SLC35F1: variants seen among roughly 807,000 people sequenced by gnomAD.
SLC35F1 encodes chromosome 6 open reading frame 169.
Under a neutral mutation model 48.7 loss-of-function variants are expected in SLC35F1, and 14 were observed. That is an observed-to-expected ratio of 0.29 (90% CI 0.19 to 0.45). The LOEUF is 0.45. SLC35F1 is among the 20% of genes least tolerant of loss of function. The pLI, the probability that SLC35F1 is intolerant of heterozygous loss-of-function variation, is 1.00. For missense variants in SLC35F1, 404 were observed against 500.0 expected (o/e 0.81, Z 1.83); for synonymous variants, 190 against 202.2 (o/e 0.94, Z 0.51).
At chr6:118,023,448 G>T (rs185971699) in intron 1 of SLC35F1, among the ~76,000 whole-genome samples, 2 of 152,252 alleles carry the variant, frequency 1.3e-5, no homozygotes, top group Non-Finnish European at 2.9e-5. Context: ...TATAATCACT[G>T]AGAGAAAATT....
At chr6:118,255,562 A>T (rs1775631637) in intron 3 of SLC35F1, among the ~76,000 whole-genome samples, 1 of 152,204 alleles carries the variant, frequency 6.6e-6, no homozygotes, top group South Asian at 2.1e-4. Flanking sequence ...TACTTGTCCC[A>T]GATTTTCAGT....
intron 1 of SLC35F1, among the ~76,000 whole-genome samples, chr6:117,919,690 C>T (rs1775871884): frequency 6.6e-6 from 1 of 151,974 alleles, no homozygotes; most frequent in Non-Finnish European, 1.5e-5. Context: ...TATATGTGTG[C>T]ATATAAAGTA....
intron 7 of SLC35F1, among the ~76,000 whole-genome samples, chr6:118,287,928 C>A (rs960758908): frequency 2.0e-5 from 3 of 151,792 alleles, no homozygotes; most frequent in African/African-American, 7.3e-5. Flanking sequence ...AGAAGGGAGG[C>A]TGTGTTATCT....
At chr6:117,938,132 G>C (rs1776182919) in intron 1 of SLC35F1, among the ~76,000 whole-genome samples, 1 of 152,122 alleles carries the variant, frequency 6.6e-6, no homozygotes, top group African/African-American at 2.4e-5. Context: ...TGACTTCTCT[G>C]TCTCTTTACT....
intron 1 of SLC35F1, among the ~76,000 whole-genome samples, chr6:117,985,200 A>G (rs1443554375): frequency 1.3e-5 from 2 of 152,204 alleles, no homozygotes; most frequent in Non-Finnish European, 2.9e-5. Context: ...AACTTCCTAT[A>G]GTAAATGCTG....
At chr6:118,093,346 A>G (rs2064820717) in intron 1 of SLC35F1, among the ~76,000 whole-genome samples, 2 of 152,102 alleles carry the variant, frequency 1.3e-5, no homozygotes, top group African/African-American at 4.8e-5. Context: ...TGAGGACATG[A>G]GATTTGAGAT....
At chr6:118,223,304 G>A (rs1775175050) in intron 2 of SLC35F1, among the ~76,000 whole-genome samples, 1 of 152,164 alleles carries the variant, frequency 6.6e-6, no homozygotes, top group African/African-American at 2.4e-5. Flanking sequence ...TTTTCTCACA[G>A]GGCTGTTAAT....
At chr6:118,269,603 G>A (rs1246172362) in intron 4 of SLC35F1, among the ~76,000 whole-genome samples, 2 of 152,028 alleles carry the variant, frequency 1.3e-5, no homozygotes, top group Non-Finnish European at 2.9e-5. Context: ...TCCTAAAATT[G>A]TTACATATCA....
chr6:118,070,956 C>CGTG (rs1562280777), intron 1 of SLC35F1, among the ~76,000 whole-genome samples: 14 of 25,760 alleles, frequency 5.4e-4, no homozygotes, highest in African/African-American at 1.7e-3. Context: ...TATATATATA[C>CGTG]TGTGTATATA....
intron 2 of SLC35F1, among the ~76,000 whole-genome samples, chr6:118,205,579 T>C (rs887259593): frequency 6.6e-6 from 1 of 152,194 alleles, no homozygotes; most frequent in African/African-American, 2.4e-5. Flanking sequence ...TGCCATGCTA[T>C]GGAAAATGGT....
At chr6:118,177,909 G>T (rs1247812170) in intron 2 of SLC35F1, among the ~76,000 whole-genome samples, 1 of 151,990 alleles carries the variant, frequency 6.6e-6, no homozygotes, top group Non-Finnish European at 1.5e-5. Flanking sequence ...AAAGGCCTTG[G>T]CTAAGTGCTG....
At position 117,924,485 on chromosome 6, in the gene SLC35F1, C is replaced by CGTATATACATATGTATATACGTATAT. The variant is rs1775998783; in HGVS notation, c.173+16587_173+16612dup. Among the ~76,000 whole-genome samples the CGTATATACATATGTATATACGTATAT allele has an allele frequency of 1.4e-5, 2 of 144,098 alleles. 1 individual carries two copies. Among genetic ancestry groups the CGTATATACATATGTATATACGTATAT allele is most frequent in the Admixed American group, 1.4e-4 (2 of 14,522 alleles). The allele number at this position is 144,098 out of a possible 152,430, so 94.5% of individuals were successfully genotyped here. A position where few individuals can be genotyped will look rare whatever the true frequency, so the allele number is the denominator to read the frequency against. ...GTGTACATATATACATATGTATATA[C>CGTATATACATATGTATATACGTATAT]GTATATACATATGTATATACGTATA... On this transcript the variant is annotated intron_variant, in intron 1 of 7. Transcript: ENST00000360388.
At chr6:118,161,021 C>T (rs1774222751) in intron 2 of SLC35F1, among the ~76,000 whole-genome samples, 1 of 151,652 alleles carries the variant, frequency 6.6e-6, no homozygotes, top group African/African-American at 2.4e-5. Flanking sequence ...TACTACATTT[C>T]TTACATACAA....
At chr6:117,923,643 G>GTACATATATACATATGTATATA (rs1562238603) in intron 1 of SLC35F1, among the ~76,000 whole-genome samples, 1 of 58,738 alleles carries the variant, frequency 1.7e-5, no homozygotes, top group Non-Finnish European at 3.8e-5. Flanking sequence ...ATGTACATAT[G>GTACATATATACATATGTATATA]TACATATGTA....
At chr6:118,216,093 T>G (rs1299203244) in intron 2 of SLC35F1, among the ~76,000 whole-genome samples, 1 of 151,124 alleles carries the variant, frequency 6.6e-6, no homozygotes, top group Non-Finnish European at 1.5e-5. Context: ...TTTGTTTTTT[T>G]TTTTTTGAGA....
At chr6:118,156,349 G>A (rs1404347925) in intron 2 of SLC35F1, among the ~76,000 whole-genome samples, 1 of 151,716 alleles carries the variant, frequency 6.6e-6, no homozygotes, top group Non-Finnish European at 1.5e-5. Context: ...TGTGCCCAAG[G>A]TGGTCGGGGT....
chr6:118,308,355 T>C (rs1257234292), intron 7 of SLC35F1, among the ~76,000 whole-genome samples: 1 of 152,152 alleles, frequency 6.6e-6, no homozygotes, highest in Non-Finnish European at 1.5e-5. Context: ...AGCAGTACAG[T>C]TTTCACAAAC....
intron 1 of SLC35F1, among the ~76,000 whole-genome samples, chr6:118,140,159 G>A (rs1331455413): frequency 6.6e-6 from 1 of 152,186 alleles, no homozygotes; most frequent in Non-Finnish European, 1.5e-5. Flanking sequence ...AGACAGATGA[G>A]CAAGGTGCAT....
At chr6:118,021,795 A>AG in intron 1 of SLC35F1, among the ~76,000 whole-genome samples, 1 of 152,330 alleles carries the variant, frequency 6.6e-6, no homozygotes, top group East Asian at 1.9e-4. Flanking sequence ...CTGGTCTCAC[A>AG]GGGGGCCACT....
Sources: allele counts gnomAD v4.1 joint callset (sites outside exome capture counted in the v4.1 genomes callset), GRCh38; gene constraint gnomAD v4.1.1; transcripts MANE v1.5; gene names NCBI Gene and HGNC (gene_info 2026-07-23, HGNC 2026-07-21).